TMEM132D: variants seen among roughly 807,000 people sequenced by gnomAD.
The protein encoded by TMEM132D is mature OL transmembrane protein.
In TMEM132D, 21 loss-of-function variants were observed where a neutral mutation model predicts 62.3. The ratio of observed to expected loss-of-function variants is 0.34; its 90% CI spans 0.24 to 0.49. The LOEUF is 0.49. TMEM132D is among the 20% of genes least tolerant of loss of function. The probability of loss-of-function intolerance (pLI) is 0.99; values close to 1 mark genes in which losing one functional copy is unlikely to be tolerated. For missense variants in TMEM132D, 1,346 were observed against 1,402.8 expected, an observed-to-expected ratio of 0.96 and a Z score of 0.65; for synonymous variants, 621 against 575.6, an observed-to-expected ratio of 1.08 and a Z score of -1.13.
intron 8 of TMEM132D, among the ~76,000 whole-genome samples, chr12:129,077,819 AAC>A (rs1156853425): frequency 3.3e-5 from 5 of 152,184 alleles, no homozygotes; most frequent in South Asian, 2.1e-4. Context: ...GCACACATGC[AAC>A]ACACAACACA....
At chr12:129,122,314 T>A (rs552311474) in intron 5 of TMEM132D, among the ~76,000 whole-genome samples, 1 of 152,040 alleles carries the variant, frequency 6.6e-6, no homozygotes, top group Non-Finnish European at 1.5e-5. Flanking sequence ...GTGGGTGACA[T>A]AGAAGGAAAG....
intron 5 of TMEM132D, among the ~76,000 whole-genome samples, chr12:129,198,076 T>C (rs1367966245): frequency 6.6e-6 from 1 of 152,172 alleles, no homozygotes; most frequent in African/African-American, 2.4e-5. Flanking sequence ...TTAAAACCAT[T>C]CCTTGGTTTT....
intron 3 of TMEM132D, among the ~76,000 whole-genome samples, chr12:129,492,724 C>T (rs1213903099): frequency 6.6e-6 from 1 of 152,074 alleles, no homozygotes; most frequent in Admixed American, 6.6e-5. Flanking sequence ...TTTGTTTTGG[C>T]AAGTGGGGAG....
rs2087908433 is a variant in TMEM132D, at chr12:129,173,807, G to A, written c.1443+35713C>T. Among the ~76,000 whole-genome samples the A allele has an allele frequency of 2.6e-5, 4 of 152,192 alleles. No homozygotes were observed. The South Asian group carries it at 8.3e-4, about 32-fold the overall frequency. ...ATGCATTGATTGAGTCCTTAGGATG[G>A]AGTCTCAACTTCTAGCCCACCCATC... On this transcript the variant is annotated intron_variant, in intron 5 of 8. Coordinates refer to ENST00000422113, the MANE Select transcript of TMEM132D (RefSeq NM_133448.3).
At chr12:129,601,076 G>A (rs908543778) in intron 2 of TMEM132D, among the ~76,000 whole-genome samples, 2 of 152,212 alleles carry the variant, frequency 1.3e-5, no homozygotes, top group Non-Finnish European at 2.9e-5. Flanking sequence ...TTTATTTAGT[G>A]TAGGCACCTT....
intron 3 of TMEM132D, among the ~76,000 whole-genome samples, chr12:129,517,782 G>T (rs1378082763): frequency 6.6e-6 from 1 of 152,176 alleles, no homozygotes; most frequent in Admixed American, 6.5e-5. Context: ...TAGTTTGGAG[G>T]TAGTTTTCTA....
At chr12:129,381,676 CTTT>C (rs1870956829) in intron 3 of TMEM132D, among the ~76,000 whole-genome samples, 1 of 147,558 alleles carries the variant, frequency 6.8e-6, no homozygotes, top group East Asian at 2.0e-4. Context: ...GTATTTCTGA[CTTT>C]TTTCTTTTCT....
At chr12:129,425,370 A>C (rs1202279281) in intron 3 of TMEM132D, among the ~76,000 whole-genome samples, 2 of 150,900 alleles carry the variant, frequency 1.3e-5, no homozygotes, top group African/African-American at 2.4e-5. Context: ...TCCCACCAGC[A>C]ACATACGTGG....
chr12:129,267,991 C>A (rs1195188342), intron 4 of TMEM132D, among the ~76,000 whole-genome samples: 1 of 152,196 alleles, frequency 6.6e-6, no homozygotes, highest in Non-Finnish European at 1.5e-5. Flanking sequence ...ATGTAGAAAG[C>A]TGAAACTGGA....
At chr12:129,531,776 G>A (rs1276719918) in intron 2 of TMEM132D, among the ~76,000 whole-genome samples, 3 of 152,166 alleles carry the variant, frequency 2.0e-5, no homozygotes, top group Non-Finnish European at 4.4e-5. Flanking sequence ...GAGCTACTGC[G>A]CCCAGCCCTG....
At chr12:129,533,851 GT>G (rs371317828) in intron 2 of TMEM132D, among the ~76,000 whole-genome samples, 55 of 152,336 alleles carry the variant, frequency 3.6e-4, no homozygotes, top group African/African-American at 1.1e-3. Flanking sequence ...TCTAGGGCAT[GT>G]TTTAGATGTT....
At chr12:129,466,455 G>A (rs1873908319) in intron 3 of TMEM132D, among the ~76,000 whole-genome samples, 2 of 151,770 alleles carry the variant, frequency 1.3e-5, no homozygotes, top group African/African-American at 4.8e-5. Flanking sequence ...AAGTAGCTGG[G>A]GCCACAGGCA....
intron 8 of TMEM132D, among the ~76,000 whole-genome samples, chr12:129,076,004 G>A (rs1444607260): frequency 7.0e-6 from 1 of 143,234 alleles, no homozygotes; most frequent in Non-Finnish European, 1.5e-5. Context: ...GACCCTGCCC[G>A]CTGGGCCACA....
chr12:129,420,306 G>GGTTTTTTTTTTTTTTTTTTTTT lies in TMEM132D; in HGVS notation c.1116-82490_1116-82489insAAAAAAAAAAAAAAAAAAAAAC, dbSNP rs1457529737. On this transcript the variant is annotated intron_variant, in intron 3 of 8. Transcript: ENST00000422113. ...AATTTCAAATTATTGCACGTTCTCT[G>GGTTTTTTTTTTTTTTTTTTTTT]TTTTTTTTTTTTTTTTTTTTTTTTG... Among the ~76,000 whole-genome samples the GGTTTTTTTTTTTTTTTTTTTTT allele has an allele frequency of 4.5e-5, 5 of 112,312 alleles. 1 individual carries two copies. In the East Asian group the frequency reaches 1.1e-3, roughly 24 times the overall value. The allele number at this position is 112,312 out of a possible 152,430, so 73.7% of individuals were successfully genotyped here. A position where few individuals can be genotyped will look rare whatever the true frequency, so the allele number is the denominator to read the frequency against.
At position 129,299,227 on chromosome 12, in the gene TMEM132D, C is replaced by T. The variant is rs1048028968; in HGVS notation, c.1299+38407G>A. Among the ~76,000 whole-genome samples the T allele has an allele frequency of 3.3e-5, 5 of 152,188 alleles. No homozygotes were observed. In the South Asian group the frequency reaches 6.2e-4, roughly 19 times the overall value. On this transcript the variant is annotated intron_variant, in intron 4 of 8. Coordinates refer to ENST00000422113, the MANE Select transcript of TMEM132D (RefSeq NM_133448.3). Reference sequence around the variant, plus strand: ...CTGTGAATGGAAAGAATGGTAGGAACCTGGAGGTGCTGGGGTCAGCCTGTG... The same window carrying T: ...CTGTGAATGGAAAGAATGGTAGGAATCTGGAGGTGCTGGGGTCAGCCTGTG...
intron 1 of TMEM132D, among the ~76,000 whole-genome samples, chr12:129,702,591 T>C (rs1249553303): frequency 6.6e-6 from 1 of 152,232 alleles, no homozygotes; most frequent in Non-Finnish European, 1.5e-5. Flanking sequence ...CTTGACTGTA[T>C]GATTCTGGGT....
At chr12:129,684,077 T>C (rs915070943) in intron 2 of TMEM132D, among the ~76,000 whole-genome samples, 9 of 152,200 alleles carry the variant, frequency 5.9e-5, no homozygotes, top group Admixed American at 2.0e-4. Context: ...GAACTTTAGT[T>C]GCAAAGCAAC....
chr12:129,230,764 A>C (rs1195449297), intron 4 of TMEM132D, among the ~76,000 whole-genome samples: 1 of 152,194 alleles, frequency 6.6e-6, no homozygotes, highest in Non-Finnish European at 1.5e-5. Context: ...TGGGTTCAAG[A>C]AGCAACTCTT....
At chr12:129,819,824 T>C (rs1248051587) in intron 1 of TMEM132D, among the ~76,000 whole-genome samples, 2 of 152,120 alleles carry the variant, frequency 1.3e-5, no homozygotes, top group East Asian at 3.9e-4. Context: ...CCTCCTATTC[T>C]AGGCAGGTCT....
Sources: gnomAD v4.1 joint callset for allele counts (sites outside exome capture counted in the v4.1 genomes callset) on GRCh38, gnomAD v4.1.1 for gene constraint, MANE v1.5 for transcripts, NCBI Gene and HGNC (gene_info 2026-07-23, HGNC 2026-07-21) for gene names.